The following TNFRSF8 variants were observed in gnomAD, a reference collection of about 807,000 sequenced individuals.
TNFRSF8 encodes the protein TNF receptor superfamily member 8, also known as tumor necrosis factor receptor superfamily member 8.
TNFRSF8 carries 26 observed loss-of-function variants against 70.8 expected under a neutral mutation model. That is an observed-to-expected ratio of 0.37 (90% CI 0.27 to 0.51). TNFRSF8 has a LOEUF of 0.51. Among genes scored for constraint, TNFRSF8 ranks in the 20% least tolerant of loss-of-function variants. The pLI, the probability that TNFRSF8 is intolerant of heterozygous loss-of-function variation, is 0.94. For synonymous variants in TNFRSF8, 356 were observed against 339.2 expected, an observed-to-expected ratio of 1.05 and a Z score of -0.54; for missense variants, 720 against 807.9, an observed-to-expected ratio of 0.89 and a Z score of 1.32.
intron 1 of TNFRSF8, among the ~76,000 whole-genome samples, chr1:12,071,899 G>A (rs1640854082): frequency 6.6e-6 from 1 of 152,170 alleles, no homozygotes; most frequent in South Asian, 2.1e-4. Flanking sequence ...GTTTCACCAT[G>A]TTGGCCAGGA....
intron 2 of TNFRSF8, among the ~76,000 whole-genome samples, chr1:12,091,807 G>T (rs1323407607): frequency 2.0e-5 from 3 of 152,212 alleles, no homozygotes; most frequent in African/African-American, 7.2e-5. Context: ...ATGAAGGGGG[G>T]TCAGGGATGG....
chr1:12,083,460 G>T (rs375551605), intron 1 of TNFRSF8, among the ~76,000 whole-genome samples: 1 of 152,178 alleles, frequency 6.6e-6, no homozygotes, highest in African/African-American at 2.4e-5. Flanking sequence ...AGGCCAAGGC[G>T]GGTGGATCAT....
At position 12,135,015 on chromosome 1, in the gene TNFRSF8, C is replaced by T. The variant is rs959164119; in HGVS notation, c.1310-573C>T. Among the ~76,000 whole-genome samples, 7 of 151,988 alleles carry T rather than the reference C, an allele frequency of 4.6e-5. 1 individual carries two copies. Among genetic ancestry groups the T allele is most frequent in the Admixed American group, 1.3e-4 (2 of 15,250 alleles). On this transcript the variant is annotated intron_variant, in intron 12 of 14. Coordinates refer to ENST00000263932, the MANE Select transcript of TNFRSF8 (RefSeq NM_001243.5). ...GGTTCAGTGTGTTCATTGGTTTAGT[C>T]ATTAGGAATGAGAGTGGCAGCCAGG... is the stretch of plus-strand genomic sequence containing the variant.
intron 3 of TNFRSF8, among the ~76,000 whole-genome samples, chr1:12,102,637 T>C: frequency 6.6e-6 from 1 of 152,324 alleles, no homozygotes; most frequent in East Asian, 1.9e-4. Flanking sequence ...GTGATTTTCC[T>C]GTCTCAGCCT....
chr1:12,140,203 C>A (rs1306092165), intron 14 of TNFRSF8, among the ~76,000 whole-genome samples: 2 of 152,178 alleles, frequency 1.3e-5, no homozygotes, highest in Non-Finnish European at 2.9e-5. Flanking sequence ...GCATGGCCTG[C>A]AGGCCTTGCT....
intron 2 of TNFRSF8, among the ~76,000 whole-genome samples, chr1:12,092,124 C>T (rs1216767297): frequency 1.3e-5 from 2 of 152,308 alleles, no homozygotes; most frequent in African/African-American, 2.4e-5. Flanking sequence ...CCTGTGTGCA[C>T]ATCTGTCTCT....
At chr1:12,096,715 C>T (rs11569834) in intron 2 of TNFRSF8, among the ~76,000 whole-genome samples, 5,753 of 152,156 alleles carry the variant, frequency 0.038, 370 homozygotes, top group African/African-American at 0.13. Context: ...TCCATTCAGT[C>T]CTTTCAAGAA....
At chr1:12,100,544 AATTTTATT>A (rs1557587512) in intron 3 of TNFRSF8, among the ~76,000 whole-genome samples, 1 of 152,020 alleles carries the variant, frequency 6.6e-6, no homozygotes, top group East Asian at 1.9e-4. Context: ...TCTACTTTAA[AATTTTATT>A]ATTTTATTAT....
At chr1:12,077,833 A>T (rs1640992417) in intron 1 of TNFRSF8, 1 of 147,550 alleles carries the variant, frequency 6.8e-6, no homozygotes, top group African/African-American at 2.5e-5. Context: ...GCAGGCAAGG[A>T]GGGCAGGGCT....
At chr1:12,121,065 A>G (rs186357078) in intron 8 of TNFRSF8, among the ~76,000 whole-genome samples, 1 of 152,324 alleles carries the variant, frequency 6.6e-6, no homozygotes, top group Admixed American at 6.5e-5. Flanking sequence ...GCCACAGTTA[A>G]TGGGTTTGAG....
intron 2 of TNFRSF8, among the ~76,000 whole-genome samples, chr1:12,091,864 T>C (rs150930555): frequency 1.3e-5 from 2 of 152,306 alleles, no homozygotes; most frequent in African/African-American, 4.8e-5. Flanking sequence ...CATTAGAGTC[T>C]CATGAGGAGC....
intron 2 of TNFRSF8, among the ~76,000 whole-genome samples, chr1:12,084,992 G>T (rs921862355): frequency 6.6e-6 from 1 of 152,228 alleles, no homozygotes; most frequent in Admixed American, 6.5e-5. Flanking sequence ...ATGGTGGAAT[G>T]ATCAGGGCTG....
chr1:12,102,177 C>T (rs894801946), intron 3 of TNFRSF8, among the ~76,000 whole-genome samples: 1 of 152,220 alleles, frequency 6.6e-6, no homozygotes, highest in African/African-American at 2.4e-5. Flanking sequence ...ACTTCTAGTT[C>T]TGTGCACATC....
chr1:12,117,705 G>A lies in TNFRSF8; in HGVS notation c.946+1976G>A, dbSNP rs559135554. On this transcript the variant is annotated intron_variant, in intron 8 of 14. Coordinates refer to ENST00000263932, the MANE Select transcript of TNFRSF8 (RefSeq NM_001243.5). ...GAGTCCTTAGGATTTTATTTTGTTTGCATAAATGTATGGGGTACAAGTGTA... is the reference window on the plus strand; with the variant it reads ...GAGTCCTTAGGATTTTATTTTGTTTACATAAATGTATGGGGTACAAGTGTA... Among the ~76,000 whole-genome samples, 5 of 152,294 alleles carry A rather than the reference G, an allele frequency of 3.3e-5. No homozygotes were observed. In the East Asian group the frequency reaches 9.6e-4, roughly 29 times the overall value.
rs1021272384 is a variant in TNFRSF8 at position 12,123,321 on chromosome 1, C to T, written c.984C>T (p.Pro328=). 6 of 1,613,364 alleles carry T rather than the reference C, an allele frequency of 3.7e-6. No individual in the cohort carries two copies. Among genetic ancestry groups the T allele is most frequent in the Non-Finnish European group, 4.2e-6 (5 of 1,179,840 alleles). ...AEKDTTFEAP[P]LGTQPDCNPT... ...AGGACACCACCTTTGAGGCGCCACCCCTGGGGACCCAGCCGGACTGCAACC... is the reference window on the plus strand; with the variant it reads ...AGGACACCACCTTTGAGGCGCCACCTCTGGGGACCCAGCCGGACTGCAACC... The change falls in exon 9 of 15, where the codon CCC becomes CCT. Residue 328 remains proline (P), a synonymous_variant. Coordinates refer to ENST00000263932, the MANE Select transcript of TNFRSF8 (RefSeq NM_001243.5).
In TNFRSF8 at chr1:12,126,297, C is replaced by T; in HGVS notation, c.1309+61C>T. ...CAGAGGAACACAGGGCAGCTCTGGG[C>T]CCGGGGCGTGGGCTCCAGAGACTGA... On this transcript the variant is annotated intron_variant, in intron 12 of 14. Transcript: ENST00000263932. 2.5e-6 allele frequency: 4 copies of T among 1,594,836 alleles called. No individual in the cohort carries two copies. The South Asian group carries it at 4.4e-5, about 18-fold the overall frequency.
intron 3 of TNFRSF8, among the ~76,000 whole-genome samples, chr1:12,101,346 G>C (rs1641419621): frequency 6.6e-6 from 1 of 151,836 alleles, no homozygotes; most frequent in Non-Finnish European, 1.5e-5. Context: ...AGGATGGCTT[G>C]AGCCCAGGAA....
intron 4 of TNFRSF8, among the ~76,000 whole-genome samples, chr1:12,106,299 C>G (rs1217985816): frequency 2.0e-5 from 3 of 152,168 alleles, no homozygotes. Flanking sequence ...GTGCTGTTCT[C>G]TCTGTCGGAG....
Position 12,113,048 on chromosome 1 carries a change from G to A in TNFRSF8, c.793+1034G>A, listed in dbSNP as rs764629276. Among the ~76,000 whole-genome samples, 19 of 152,362 alleles carry A rather than the reference G, an allele frequency of 1.2e-4. No individual in the cohort carries two copies. The highest frequency in any genetic ancestry group is 2.6e-4 in the Non-Finnish European group (18 of 68,038). On this transcript the variant is annotated intron_variant, in intron 7 of 14. Coordinates refer to ENST00000263932, the MANE Select transcript of TNFRSF8 (RefSeq NM_001243.5). The surrounding 1 kb of genome is among the most constrained non-coding windows in gnomAD (Gnocchi z 4.9). The stretch of plus-strand genomic sequence containing the variant: ...TAGCAAATTTTCTTAAAACTTAATT[G>A]TGAAAACAAATCATTCTTTGTACTC...
Sources: gnomAD v4.1 joint callset for allele counts (sites outside exome capture counted in the v4.1 genomes callset) on GRCh38, gnomAD v4.1.1 for gene constraint, Gnocchi (gnomAD v3.1) non-coding constraint, MANE v1.5 for transcripts, NCBI Gene and HGNC (gene_info 2026-07-23, HGNC 2026-07-21) for gene names.